Variants in CBR4 observed in about 807,000 individuals in gnomAD.
CBR4 encodes the protein 3-oxoacyl-[acyl-carrier-protein] reductase.
Under a neutral mutation model 21.0 loss-of-function variants are expected in CBR4, and 22 were observed. The ratio of observed to expected loss-of-function variants is 1.05; its 90% CI spans 0.75 to 1.50. The LOEUF (loss-of-function observed/expected upper bound fraction) is 1.50. CBR4 is among the 40% of genes most tolerant of loss of function. CBR4 has a pLI of 0.00. For synonymous variants in CBR4, 100 were observed against 104.4 expected (o/e 0.96, Z 0.26); for missense variants, 302 against 286.3 (o/e 1.05, Z -0.40).
intron 4 of CBR4, among the ~76,000 whole-genome samples, chr4:168,995,084 ACG>A (rs1765127126): frequency 6.6e-6 from 1 of 152,084 alleles, no homozygotes; most frequent in Non-Finnish European, 1.5e-5. Flanking sequence ...CTACAACACT[ACG>A]ATTCAAAGAT....
intron 2 of CBR4, among the ~76,000 whole-genome samples, chr4:168,969,915 T>C (rs1380090874): frequency 6.6e-6 from 1 of 152,242 alleles, no homozygotes; most frequent in Non-Finnish European, 1.5e-5. Flanking sequence ...AGGCCTGCCC[T>C]ATATCAATTG....
rs541092857 is a variant in CBR4 at position 168,946,192 on chromosome 4, C to T, written n.170-51427G>A. Among the ~76,000 whole-genome samples the T allele has an allele frequency of 7.2e-5, 11 of 152,300 alleles. No individual in the cohort carries two copies. In the East Asian group the frequency reaches 2.1e-3, roughly 29 times the overall value. On this transcript the variant is annotated intron_variant and non_coding_transcript_variant, in intron 2 of 3. Transcript: ENST00000509108. ...TGAGGAATAAAATGAAAGTTTACAGCTTTCTTCCCTCTTTGGGTTCCAGAA... is the reference window on the plus strand; with the variant it reads ...TGAGGAATAAAATGAAAGTTTACAGTTTTCTTCCCTCTTTGGGTTCCAGAA...
intron 2 of CBR4, among the ~76,000 whole-genome samples, chr4:168,959,841 G>A (rs548078366): frequency 6.7e-5 from 10 of 149,936 alleles, no homozygotes; most frequent in Non-Finnish European, 1.2e-4. Flanking sequence ...GGGATTACAG[G>A]CGTGAGCCAC....
intron 2 of CBR4, among the ~76,000 whole-genome samples, chr4:168,980,814 A>C (rs1764525810): frequency 6.6e-6 from 1 of 152,214 alleles, no homozygotes; most frequent in East Asian, 1.9e-4. Context: ...ACTACAGTCA[A>C]GTTACACCAT....
intron 2 of CBR4, among the ~76,000 whole-genome samples, chr4:168,952,307 C>T (rs1346837610): frequency 6.6e-6 from 1 of 151,938 alleles, no homozygotes; most frequent in Non-Finnish European, 1.5e-5. Context: ...TTGAACATTT[C>T]TCCCTTCACT....
At chr4:168,935,786 C>T (rs1284466506) in intron 2 of CBR4, among the ~76,000 whole-genome samples, 1 of 152,184 alleles carries the variant, frequency 6.6e-6, no homozygotes, top group Non-Finnish European at 1.5e-5. Flanking sequence ...GGAAAACTCC[C>T]ATCTCCCTGA....
chr4:168,935,625 G>A (rs903219906), intron 2 of CBR4, among the ~76,000 whole-genome samples: 16 of 152,056 alleles, frequency 1.1e-4, no homozygotes, highest in Non-Finnish European at 1.5e-4. Flanking sequence ...ATCCCCTCAC[G>A]GTATAAAAAA....
In CBR4 at chr4:168,969,110, T is replaced by A. The variant is rs139217780; in HGVS notation, n.169+32961A>T. Among the ~76,000 whole-genome samples the A allele has an allele frequency of 1.3e-3, 202 of 152,336 alleles. 1 individual carries two copies. Among genetic ancestry groups the A allele is most frequent in the African/African-American group, 4.4e-3 (184 of 41,582 alleles). ...AAGCAACAATGTTAGCTTGACTGTA[T>A]TCCCAAGAATCTTTGAAACACCTGG... On this transcript the variant is annotated intron_variant and non_coding_transcript_variant, in intron 2 of 3. Coordinates refer to the CBR4 transcript ENST00000509108.
At chr4:169,007,575 C>A in intron 2 of CBR4, 61 bp downstream of exon 2, 1 of 1,040,306 alleles carries the variant, frequency 9.6e-7, no homozygotes, top group Non-Finnish European at 1.3e-6. Flanking sequence ...CAATCAAAGA[C>A]ATATTAGGAA....
At chr4:169,008,777 T>G (rs1169831463) in intron 1 of CBR4, among the ~76,000 whole-genome samples, 1 of 152,162 alleles carries the variant, frequency 6.6e-6, no homozygotes, top group Non-Finnish European at 1.5e-5. Context: ...ACTCTTCCCC[T>G]CCTTTGTTAG....
chr4:168,900,440 C>T (rs1475222484), intron 2 of CBR4, among the ~76,000 whole-genome samples: 1 of 151,550 alleles, frequency 6.6e-6, no homozygotes, highest in East Asian at 1.9e-4. Flanking sequence ...AAGATAGTAC[C>T]AAAAAATACA....
chr4:169,001,653 G>A (rs1730450376), intron 4 of CBR4: 1 of 152,528 alleles, frequency 6.6e-6, no homozygotes, highest in Admixed American at 6.6e-5. Context: ...GCCAGAGCTG[G>A]TTGTTTAGAG....
intron 2 of CBR4, among the ~76,000 whole-genome samples, chr4:168,897,474 T>TCTCA (rs1488652277): frequency 1.3e-5 from 2 of 152,180 alleles, no homozygotes; most frequent in African/African-American, 4.8e-5. Flanking sequence ...GGAGACAGGG[T>TCTCA]CTCACTCTTT....
At chr4:168,948,299 T>C (rs775661444) in intron 2 of CBR4, among the ~76,000 whole-genome samples, 2 of 152,202 alleles carry the variant, frequency 1.3e-5, no homozygotes, top group Non-Finnish European at 2.9e-5. Context: ...ATTGTGAAGA[T>C]TTTCTCCCAC....
At chr4:168,945,972 C>G (rs543027392) in intron 2 of CBR4, among the ~76,000 whole-genome samples, 1 of 152,236 alleles carries the variant, frequency 6.6e-6, no homozygotes, top group South Asian at 2.1e-4. Context: ...ACTTCCATGA[C>G]AGAATTCCTA....
chr4:168,941,923 A>T (rs954135023), intron 2 of CBR4, among the ~76,000 whole-genome samples: 17 of 152,206 alleles, frequency 1.1e-4, no homozygotes, highest in Admixed American at 9.2e-4. Context: ...CTATAAAGAC[A>T]CATGCACATG....
intron 2 of CBR4, among the ~76,000 whole-genome samples, chr4:168,937,320 A>G (rs1445650254): frequency 6.6e-6 from 1 of 152,206 alleles, no homozygotes; most frequent in African/African-American, 2.4e-5. Flanking sequence ...AGCACTAAAC[A>G]TGGAAAGGAA....
At chr4:168,947,632 T>C (rs1243515645) in intron 2 of CBR4, among the ~76,000 whole-genome samples, 1 of 152,146 alleles carries the variant, frequency 6.6e-6, no homozygotes, top group Non-Finnish European at 1.5e-5. Flanking sequence ...TGAGAACATA[T>C]GATGTTTGGT....
At chr4:168,991,412 A>T (rs1454165541) in intron 4 of CBR4, among the ~76,000 whole-genome samples, 1 of 152,234 alleles carries the variant, frequency 6.6e-6, no homozygotes, top group Non-Finnish European at 1.5e-5. Context: ...AGGCATCACA[A>T]AAGTGGTCAC....
Sources: allele counts gnomAD v4.1 joint callset (sites outside exome capture counted in the v4.1 genomes callset), GRCh38; gene constraint gnomAD v4.1.1; transcripts MANE v1.5; gene names NCBI Gene and HGNC (gene_info 2026-07-23, HGNC 2026-07-21).